NFATC2: variants seen among roughly 807,000 people sequenced by gnomAD.
NFATC2 encodes the protein nuclear factor of activated T cells 2.
A neutral mutation model predicts 87.3 loss-of-function variants in NFATC2; 22 were observed. The observed-to-expected ratio is 0.25, with a 90% CI of 0.18 to 0.36. The LOEUF is 0.36. Ranked by LOEUF, NFATC2 falls within the 10% of genes least tolerant of loss-of-function variation. The pLI is 1.00. For synonymous variants in NFATC2, 565 were observed against 542.2 expected, an observed-to-expected ratio of 1.04 and a Z score of -0.58; for missense variants, 1,149 against 1,259.1, an observed-to-expected ratio of 0.91 and a Z score of 1.32.
In NFATC2 at chr20:51,541,790, TCAGA is replaced by T. The variant is rs888928160; in HGVS notation, c.130+576_130+579del. Among the ~76,000 whole-genome samples, 8 of 152,236 alleles carry T rather than the reference TCAGA, an allele frequency of 5.3e-5. No individual in the cohort carries two copies. The East Asian group carries it at 1.2e-3, about 22-fold the overall frequency. ...CCAAAGGTTTTAACCCTCTCCAGCA[TCAGA>T]CAGACAACCTCTTCCTCAGTTTCAA... is the stretch of plus-strand genomic sequence containing the variant. On this transcript the variant is annotated intron_variant, in intron 1 of 10. Coordinates refer to ENST00000371564, the MANE Select transcript of NFATC2 (RefSeq NM_012340.5).
intron 3 of NFATC2, among the ~76,000 whole-genome samples, chr20:51,510,562 G>C (rs2076256757): frequency 6.6e-6 from 1 of 152,240 alleles, no homozygotes; most frequent in East Asian, 1.9e-4. Flanking sequence ...AAGATTCATT[G>C]GTTCCTCTGA....
intron 3 of NFATC2, among the ~76,000 whole-genome samples, chr20:51,500,656 C>T: frequency 9.1e-6 from 1 of 109,952 alleles, no homozygotes; most frequent in Non-Finnish European, 1.9e-5. Flanking sequence ...ACCACCCCCC[C>T]CTCCACCCCC....
Position 51,542,610 on chromosome 20 carries a change from C to T in NFATC2, c.-111G>A. The T allele has an allele frequency of 8.2e-7, 1 of 1,226,070 alleles. No homozygotes were observed. Among genetic ancestry groups the T allele is most frequent in the Non-Finnish European group, 1.0e-6 (1 of 979,652 alleles). The allele number at this position is 1,226,070 out of a possible 1,614,324, so 75.9% of individuals were successfully genotyped here. On this transcript the variant is annotated 5_prime_UTR_variant, in exon 1 of 11. Coordinates refer to ENST00000371564, the MANE Select transcript of NFATC2 (RefSeq NM_012340.5). ...GCGGCTCGAGCGGCGGGGTCCCTTT[C>T]CTCGTAGGGACGCACGCCGGGTCCG...
In NFATC2 at chr20:51,521,189, C is replaced by T. The variant is rs143961507; in HGVS notation, c.1160+1892G>A. ...AACCTGCTGTGGAGGAAATGCCAGG[C>T]TGGATGCTCCCTGCTGTCCATTTTC... On this transcript the variant is annotated intron_variant, in intron 2 of 10. Transcript: ENST00000371564. 7.8e-3 allele frequency among the ~76,000 whole-genome samples: 1,195 copies of T among 152,344 alleles called. 19 individuals are homozygous for T. Among genetic ancestry groups the T allele is most frequent in the African/African-American group, 0.027 (1,115 of 41,576 alleles).
intron 3 of NFATC2, among the ~76,000 whole-genome samples, chr20:51,503,717 G>A (rs2076129084): frequency 6.6e-6 from 1 of 152,240 alleles, no homozygotes; most frequent in Admixed American, 6.5e-5. Context: ...CTGCCTGGGA[G>A]GGGCCTTCAG....
chr20:51,541,252 T>C (rs559252877), intron 1 of NFATC2, among the ~76,000 whole-genome samples: 2 of 152,200 alleles, frequency 1.3e-5, no homozygotes, highest in South Asian at 2.1e-4. Context: ...AAGCCCTTCC[T>C]ACACACTAGA....
At chr20:51,549,686 G>A (rs1171120943) in intron 1 of NFATC2, among the ~76,000 whole-genome samples, 2 of 152,216 alleles carry the variant, frequency 1.3e-5, no homozygotes, top group East Asian at 1.9e-4. Context: ...AAAATGGGAA[G>A]AGATGAATTA....
At chr20:51,421,011 T>A (rs1208305706) in intron 9 of NFATC2, among the ~76,000 whole-genome samples, 2 of 150,276 alleles carry the variant, frequency 1.3e-5, no homozygotes, top group East Asian at 3.9e-4. Flanking sequence ...CAGTGCACCA[T>A]GATTACACCT....
At position 51,437,391 on chromosome 20, in the gene NFATC2, ACT is replaced by A. The variant is rs11467325; in HGVS notation, c.1850-1632_1850-1631del. Among the ~76,000 whole-genome samples the A allele has an allele frequency of 4.9e-3, 753 of 152,276 alleles. 6 individuals are homozygous for A. Among genetic ancestry groups the A allele is most frequent in the African/African-American group, 0.017 (725 of 41,540 alleles). On this transcript the variant is annotated intron_variant, in intron 6 of 10. Transcript: ENST00000371564. ...CTTTAACATGCTGCTGTGCAGAGTA[ACT>A]CTGCGAGGTGGGCTGGAGTACATAG...
intron 3 of NFATC2, among the ~76,000 whole-genome samples, chr20:51,495,672 C>T (rs2075976822): frequency 6.6e-6 from 1 of 152,208 alleles, no homozygotes; most frequent in African/African-American, 2.4e-5. Flanking sequence ...TTGACTCACT[C>T]CCTCTTACAA....
At chr20:51,462,714 C>A (rs1197726618) in intron 5 of NFATC2, among the ~76,000 whole-genome samples, 1 of 152,116 alleles carries the variant, frequency 6.6e-6, no homozygotes, top group Non-Finnish European at 1.5e-5. Context: ...CATGGGCCTG[C>A]GTGGCATCTC....
At chr20:51,391,576 T>C in intron 10 of NFATC2, 125 bp from the exon 11 acceptor site, 1 of 1,030,366 alleles carries the variant, frequency 9.7e-7, no homozygotes, top group Admixed American at 2.0e-5. Context: ...AAGGTCTTGC[T>C]CTGTCACCCA....
chr20:51,405,336 G>C (rs1342195660), intron 9 of NFATC2, among the ~76,000 whole-genome samples: 1 of 152,192 alleles, frequency 6.6e-6, no homozygotes, highest in Non-Finnish European at 1.5e-5. Context: ...TGCTCTTCGG[G>C]ACTGGAGACA....
intron 9 of NFATC2, among the ~76,000 whole-genome samples, chr20:51,401,992 G>C (rs1010675448): frequency 3.9e-5 from 6 of 152,240 alleles, no homozygotes; most frequent in Non-Finnish European, 7.3e-5. Context: ...AACCCTGCGT[G>C]CATCTCCGTG....
intron 10 of NFATC2, 118 bp downstream of exon 10, chr20:51,398,525 G>A (rs1358158408): frequency 9.5e-6 from 6 of 632,448 alleles, no homozygotes; most frequent in Non-Finnish European, 1.6e-5. Context: ...GCAGGAGAAT[G>A]AGAAGAGAGG....
chr20:51,414,484 T>A (rs1979745680), intron 9 of NFATC2, among the ~76,000 whole-genome samples: 1 of 151,592 alleles, frequency 6.6e-6, no homozygotes, highest in African/African-American at 2.4e-5. Flanking sequence ...AGGTCAGGAG[T>A]TCGAGACCAG....
chr20:51,469,025 ATT>A (rs11428690), intron 5 of NFATC2, among the ~76,000 whole-genome samples: 3 of 148,064 alleles, frequency 2.0e-5, no homozygotes, highest in Non-Finnish European at 4.5e-5. Flanking sequence ...GGACATCAGT[ATT>A]TTTTTTTTTT....
At chr20:51,421,072 T>C (rs966947470) in intron 9 of NFATC2, among the ~76,000 whole-genome samples, 30 of 100,460 alleles carry the variant, frequency 3.0e-4, no homozygotes, top group African/African-American at 2.9e-3. Context: ...ACCCTATGTC[T>C]TAAAAAAAAA....
rs2146810119 is a variant in NFATC2, at chr20:51,542,708, G to A, written c.-209C>T. 2.9e-6 allele frequency: 3 copies of A among 1,031,778 alleles called. No homozygotes were observed. The highest frequency in any genetic ancestry group is 3.5e-6 in the Non-Finnish European group (3 of 862,372). The allele number at this position is 1,031,778 out of a possible 1,614,324, so 63.9% of individuals were successfully genotyped here. A position where few individuals can be genotyped will look rare whatever the true frequency, so the allele number is the denominator to read the frequency against. On this transcript the variant is annotated 5_prime_UTR_variant, in exon 1 of 11. Coordinates refer to ENST00000371564, the MANE Select transcript of NFATC2 (RefSeq NM_012340.5). ...TGAGCGGCGGCGGCGACGGCGGCGC[G>A]AGCTTCCTGCTCCGGAGGCACCTGT... is the stretch of plus-strand genomic sequence containing the variant.
Sources: allele counts gnomAD v4.1 joint callset (sites outside exome capture counted in the v4.1 genomes callset), GRCh38; gene constraint gnomAD v4.1.1; transcripts MANE v1.5; gene names NCBI Gene and HGNC (gene_info 2026-07-23, HGNC 2026-07-21).